Variants in NAALADL2 observed in about 807,000 individuals in gnomAD.
NAALADL2 encodes the protein N-acetylated alpha-linked acidic dipeptidase like 2, also known as inactive N-acetylated-alpha-linked acidic dipeptidase-like protein 2.
A neutral mutation model predicts 87.2 loss-of-function variants in NAALADL2; 76 were observed. The observed-to-expected ratio is 0.87, with a 90% confidence interval of 0.72 to 1.05. The LOEUF is 1.05. NAALADL2 is among the 50% of genes least tolerant of loss of function. The pLI, the probability that NAALADL2 is intolerant of heterozygous loss-of-function variation, is 0.00. For missense variants in NAALADL2, 1,089 were observed against 945.8 expected (o/e 1.15, Z -1.99); for synonymous variants, 354 against 331.0 (o/e 1.07, Z -0.75).
intron 11 of NAALADL2, among the ~76,000 whole-genome samples, chr3:175,679,763 G>T (rs1293722630): frequency 6.6e-6 from 1 of 152,118 alleles, no homozygotes; most frequent in African/African-American, 2.4e-5. Flanking sequence ...GTGAAAGAAG[G>T]CTATATTTGC....
chr3:174,988,189 C>T (rs145407405), intron 1 of NAALADL2, among the ~76,000 whole-genome samples: 43 of 152,212 alleles, frequency 2.8e-4, no homozygotes, highest in African/African-American at 1.0e-3. Context: ...GAAGGAGCCA[C>T]AAGAAACTCT....
chr3:174,751,981 T>C (rs1332203839), intron 3 of NAALADL2, among the ~76,000 whole-genome samples: 1 of 152,132 alleles, frequency 6.6e-6, no homozygotes, highest in Non-Finnish European at 1.5e-5. Flanking sequence ...TTTTTCTTTT[T>C]CTTTTTATTT....
rs554602307 is a variant in NAALADL2 at position 174,552,178 on chromosome 3, G to A, written c.-115+1541G>A. On this transcript the variant is annotated intron_variant, in intron 2 of 3. Coordinates refer to the NAALADL2 transcript ENST00000434257. ...AAATTTTCTATATTGTCTTCCAATC[G>A]TTGGAACACTTTCAAATATAACGTA... Among the ~76,000 whole-genome samples the A allele has an allele frequency of 6.8e-4, 104 of 152,084 alleles. 1 individual carries two copies. The highest frequency in any genetic ancestry group is 2.4e-3 in the African/African-American group (98 of 41,484).
At chr3:174,698,020 G>A (rs1037314283) in intron 2 of NAALADL2, among the ~76,000 whole-genome samples, 6 of 152,120 alleles carry the variant, frequency 3.9e-5, no homozygotes, top group African/African-American at 1.4e-4. Flanking sequence ...GAACCCAGGA[G>A]GCAGAGGTTG....
chr3:175,603,278 T>C (rs1225419141), intron 10 of NAALADL2, among the ~76,000 whole-genome samples: 1 of 152,176 alleles, frequency 6.6e-6, no homozygotes, highest in African/African-American at 2.4e-5. Context: ...CCCTATACCA[T>C]CTCTTTTACT....
chr3:175,630,487 A>C (rs1290326545), intron 11 of NAALADL2, among the ~76,000 whole-genome samples: 1 of 151,740 alleles, frequency 6.6e-6, no homozygotes, highest in Non-Finnish European at 1.5e-5. Flanking sequence ...AAAAAAAACT[A>C]GTATTAAAAT....
chr3:174,539,658 C>A (rs1722041559), intron 1 of NAALADL2, among the ~76,000 whole-genome samples: 1 of 152,076 alleles, frequency 6.6e-6, no homozygotes, highest in African/African-American at 2.4e-5. Context: ...ACATCAAATT[C>A]TGAAAGGACC....
At chr3:174,927,275 C>CA (rs1214670811) in intron 1 of NAALADL2, among the ~76,000 whole-genome samples, 1 of 152,124 alleles carries the variant, frequency 6.6e-6, no homozygotes, top group Admixed American at 6.6e-5. Flanking sequence ...TTTAACACCC[C>CA]ACTGTCAACA....
At chr3:174,903,579 G>C (rs1732560904) in intron 1 of NAALADL2, among the ~76,000 whole-genome samples, 1 of 151,294 alleles carries the variant, frequency 6.6e-6, no homozygotes, top group African/African-American at 2.4e-5. Context: ...TTTAGTAGTA[G>C]TATTTGTAAA....
intron 2 of NAALADL2, among the ~76,000 whole-genome samples, chr3:174,663,561 C>T (rs1376514148): frequency 1.3e-5 from 2 of 151,960 alleles, no homozygotes; most frequent in Admixed American, 6.6e-5. Context: ...GTCCAAAACT[C>T]TTTAACAATC....
intron 2 of NAALADL2, among the ~76,000 whole-genome samples, chr3:174,590,735 A>C (rs1400481755): frequency 1.3e-5 from 2 of 152,152 alleles, no homozygotes. Context: ...AATCAGTAAA[A>C]CAGGCACAGT....
chr3:174,853,787 A>G (rs1725545745), intron 3 of NAALADL2, among the ~76,000 whole-genome samples: 1 of 152,336 alleles, frequency 6.6e-6, no homozygotes, highest in East Asian at 1.9e-4. Context: ...AATGTTCATC[A>G]TCACTAATCA....
chr3:175,534,177 A>C (rs1037525017), intron 9 of NAALADL2, among the ~76,000 whole-genome samples: 2 of 151,130 alleles, frequency 1.3e-5, no homozygotes, highest in East Asian at 3.9e-4. Context: ...CAACAAAATA[A>C]CTCCATCCTT....
intron 1 of NAALADL2, among the ~76,000 whole-genome samples, chr3:174,910,920 A>G (rs1285168934): frequency 1.3e-5 from 2 of 152,094 alleles, no homozygotes; most frequent in Non-Finnish European, 2.9e-5. Flanking sequence ...ATGCTTTCGC[A>G]AAACTGACAA....
intron 13 of NAALADL2, among the ~76,000 whole-genome samples, chr3:175,756,231 C>T (rs1931168): frequency 0.62 from 94,410 of 151,950 alleles, 31,860 homozygotes; most frequent in African/African-American, 0.91. Flanking sequence ...TGTAAATTAG[C>T]ATAGCCTTTA....
chr3:174,460,033 C>G (rs1716108396), intron 1 of NAALADL2, among the ~76,000 whole-genome samples: 1 of 152,072 alleles, frequency 6.6e-6, no homozygotes, highest in Non-Finnish European at 1.5e-5. Context: ...TTCTCTTCTT[C>G]AATACATCCA....
chr3:174,846,933 A>C (rs141262443), intron 3 of NAALADL2, among the ~76,000 whole-genome samples: 11 of 152,272 alleles, frequency 7.2e-5, no homozygotes, highest in African/African-American at 1.2e-4. Flanking sequence ...TCTCCAGGCA[A>C]GAGATGAAAA....
At chr3:175,433,232 C>T (rs1718067375) in intron 5 of NAALADL2, among the ~76,000 whole-genome samples, 1 of 152,044 alleles carries the variant, frequency 6.6e-6, no homozygotes, top group Non-Finnish European at 1.5e-5. Flanking sequence ...ACATCCCACT[C>T]ATTTCCTACC....
chr3:174,669,317 C>T (rs1451785998), intron 2 of NAALADL2, among the ~76,000 whole-genome samples: 1 of 151,714 alleles, frequency 6.6e-6, no homozygotes, highest in African/African-American at 2.4e-5. Flanking sequence ...GGATATTAGC[C>T]CTTTGTCAGA....
Sources: allele counts gnomAD v4.1 joint callset (sites outside exome capture counted in the v4.1 genomes callset), GRCh38; gene constraint gnomAD v4.1.1; transcripts MANE v1.5; gene names NCBI Gene and HGNC (gene_info 2026-07-23, HGNC 2026-07-21).